VOPP1: variants seen among roughly 807,000 people sequenced by gnomAD.
VOPP1 encodes WW domain binding protein VOPP1.
A neutral mutation model predicts 23.5 loss-of-function variants in VOPP1; 8 were observed. That is an observed-to-expected ratio of 0.34 (90% CI 0.20 to 0.61). The LOEUF (loss-of-function observed/expected upper bound fraction) is 0.61. Among genes scored for constraint, VOPP1 ranks in the 20% least tolerant of loss-of-function variants. The probability of loss-of-function intolerance (pLI) is 0.78; values close to 1 mark genes in which losing one functional copy is unlikely to be tolerated. For synonymous variants in VOPP1, 83 were observed against 97.3 expected, an observed-to-expected ratio of 0.85 and a Z score of 0.86; for missense variants, 174 against 238.1, an observed-to-expected ratio of 0.73 and a Z score of 1.77.
At chr7:55,444,346 C>T (rs1255368766) in intron 4 of VOPP1, among the ~76,000 whole-genome samples, 2 of 152,178 alleles carry the variant, frequency 1.3e-5, no homozygotes, top group African/African-American at 2.4e-5. Flanking sequence ...CCAGGAAGGA[C>T]ATGAATTTTG....
chr7:55,557,437 A>G (rs1414698931), intron 1 of VOPP1, among the ~76,000 whole-genome samples: 1 of 151,914 alleles, frequency 6.6e-6, no homozygotes, highest in Admixed American at 6.6e-5. Flanking sequence ...AAAGTTTTAA[A>G]AAAATACTCA....
chr7:55,497,523 G>A (rs1343801561), intron 3 of VOPP1, 90 bp downstream of exon 3: 6 of 1,205,732 alleles, frequency 5.0e-6, no homozygotes, highest in Non-Finnish European at 7.3e-6. Flanking sequence ...CCCAAGTGAA[G>A]GTGTCGCATC....
chr7:55,559,189 C>T (rs970772579), intron 1 of VOPP1, among the ~76,000 whole-genome samples: 3 of 152,168 alleles, frequency 2.0e-5, no homozygotes, highest in Non-Finnish European at 4.4e-5. Flanking sequence ...TTCAGATAAA[C>T]AGGGTGGAGT....
intron 4 of VOPP1, among the ~76,000 whole-genome samples, chr7:55,481,926 A>G (rs1792744477): frequency 6.6e-6 from 1 of 152,274 alleles, no homozygotes; most frequent in South Asian, 2.1e-4. Context: ...ACACCTTTGT[A>G]GTACAAAATC....
At chr7:55,541,081 G>A (rs1459493430) in intron 1 of VOPP1, among the ~76,000 whole-genome samples, 1 of 152,122 alleles carries the variant, frequency 6.6e-6, no homozygotes, top group African/African-American at 2.4e-5. Flanking sequence ...AAGTCTTACC[G>A]CTCAATATCA....
intron 2 of VOPP1, 72 bp from the exon 3 acceptor site, chr7:55,497,762 T>G: frequency 1.5e-6 from 2 of 1,311,696 alleles, no homozygotes; most frequent in South Asian, 1.2e-5. Context: ...CGGCCCAGGC[T>G]GGGCTTCAAT....
At chr7:55,497,328 C>A (rs1004433842) in intron 3 of VOPP1, among the ~76,000 whole-genome samples, 1 of 152,152 alleles carries the variant, frequency 6.6e-6, no homozygotes, top group Admixed American at 6.5e-5. Flanking sequence ...AGAAACTGGC[C>A]GAGGAGCTGC....
chr7:55,436,936 GGA>G (rs1790845555), intron 4 of VOPP1, among the ~76,000 whole-genome samples: 1 of 152,062 alleles, frequency 6.6e-6, no homozygotes, highest in African/African-American at 2.4e-5. Context: ...GGCTTTCATA[GGA>G]TCATCCAGCA....
At chr7:55,508,040 G>A (rs901055044) in intron 2 of VOPP1, among the ~76,000 whole-genome samples, 1 of 152,158 alleles carries the variant, frequency 6.6e-6, no homozygotes, top group African/African-American at 2.4e-5. Flanking sequence ...TTTACCTAGG[G>A]AAATTTTACT....
intron 1 of VOPP1, among the ~76,000 whole-genome samples, chr7:55,554,106 G>A (rs1037790286): frequency 6.6e-6 from 1 of 152,252 alleles, no homozygotes; most frequent in Admixed American, 6.5e-5. Context: ...AAAGAAGAGA[G>A]ACAGAGAGGT....
downstream of VOPP1, among the ~76,000 whole-genome samples, chr7:55,435,455 G>T (rs1790800012): frequency 6.6e-6 from 1 of 152,162 alleles, no homozygotes; most frequent in African/African-American, 2.4e-5. Context: ...AGCAGGTCCT[G>T]ACTTTTCCAC....
intron 2 of VOPP1, among the ~76,000 whole-genome samples, chr7:55,518,174 G>A (rs117920698): frequency 0.012 from 1,841 of 152,268 alleles, 20 homozygotes; most frequent in South Asian, 0.038. Context: ...TCGCAGTCAC[G>A]TCTTACAGAG....
At chr7:55,513,317 T>A (rs1562943808) in intron 2 of VOPP1, among the ~76,000 whole-genome samples, 1 of 152,198 alleles carries the variant, frequency 6.6e-6, no homozygotes, top group East Asian at 1.9e-4. Flanking sequence ...ATGACACTGA[T>A]GATCGTATTC....
At chr7:55,458,885 T>C (rs375849156) in intron 4 of VOPP1, among the ~76,000 whole-genome samples, 2 of 152,320 alleles carry the variant, frequency 1.3e-5, no homozygotes, top group Non-Finnish European at 2.9e-5. Context: ...TCTTGCCTGA[T>C]TGCTCTGGCT....
In VOPP1 at chr7:55,572,312, G is replaced by C; in HGVS notation, c.13C>G (p.Pro5Ala). 1.3e-6 allele frequency: 2 copies of C among 1,505,004 alleles called. No homozygotes were observed. The highest frequency in any genetic ancestry group is 1.8e-6 in the Non-Finnish European group (2 of 1,135,368). 93.2% of individuals were successfully genotyped at this position (1,505,004 alleles called of 1,614,324 possible). A position where few individuals can be genotyped will look rare whatever the true frequency, so the allele number is the denominator to read the frequency against. Residue 5 changes from proline (P) to alanine (A), a missense_variant, in exon 1 of 5, where the codon CCT (proline) becomes GCT (alanine). Physicochemically the swap from Pro to Ala is conservative, Grantham distance 27. Coordinates refer to ENST00000285279, the MANE Select transcript of VOPP1 (RefSeq NM_030796.5). ...AGCAGCAGCGCCGCCACCTTCGCAG[G>C]CTGGCGCCTCATGGCTCCTCGCGTC... MRRQ[P>A]AKVAALLLGL...
intron 1 of VOPP1, among the ~76,000 whole-genome samples, chr7:55,565,264 C>T (rs1798127144): frequency 6.6e-6 from 1 of 152,190 alleles, no homozygotes; most frequent in Non-Finnish European, 1.5e-5. Context: ...ACACCCTCCT[C>T]CCGCATTCTA....
At chr7:55,515,074 C>T (rs979764927) in intron 2 of VOPP1, among the ~76,000 whole-genome samples, 4 of 152,242 alleles carry the variant, frequency 2.6e-5, no homozygotes, top group Non-Finnish European at 5.9e-5. Flanking sequence ...CTCCAGCCTG[C>T]TGCTGCCTCC....
At chr7:55,546,727 TACC>T (rs1305949223) in intron 1 of VOPP1, among the ~76,000 whole-genome samples, 1 of 152,204 alleles carries the variant, frequency 6.6e-6, no homozygotes, top group Admixed American at 6.5e-5. Context: ...AAATAAGTGA[TACC>T]ACCACGACCA....
At chr7:55,556,890 C>A (rs1235469870) in intron 1 of VOPP1, among the ~76,000 whole-genome samples, 3 of 152,140 alleles carry the variant, frequency 2.0e-5, no homozygotes, top group Non-Finnish European at 2.9e-5. Context: ...AGGACTATTA[C>A]ACCCTCTGTT....
Sources: gnomAD v4.1 joint callset for allele counts (sites outside exome capture counted in the v4.1 genomes callset) on GRCh38, gnomAD v4.1.1 for gene constraint, MANE v1.5 for transcripts, NCBI Gene and HGNC (gene_info 2026-07-23, HGNC 2026-07-21) for gene names.